Variants in DVL1 observed in about 807,000 individuals in gnomAD.
DVL1 encodes the protein segment polarity protein dishevelled homolog DVL-1.
In DVL1, 49 loss-of-function variants were observed where a neutral mutation model predicts 65.0. The ratio of observed to expected loss-of-function variants is 0.75; its 90% CI spans 0.60 to 0.96. The LOEUF (loss-of-function observed/expected upper bound fraction) is 0.96. DVL1 is among the 40% of genes least tolerant of loss of function. The pLI, the probability that DVL1 is intolerant of heterozygous loss-of-function variation, is 0.00. For missense variants in DVL1, 1,197 were observed against 1,045.4 expected, an observed-to-expected ratio of 1.15 and a Z score of -2.00; for synonymous variants, 608 against 433.9, an observed-to-expected ratio of 1.40 and a Z score of -4.99.
chr1:1,335,395 G>GGGGGCCAGA lies in DVL1; in HGVS notation c.*738_*746dup, dbSNP rs1643536710. On this transcript the variant is annotated 3_prime_UTR_variant, in exon 15 of 15. Transcript: ENST00000378888. ...TACAGTATCTACAGCACAGACACGT[G>GGGGGCCAGA]GGGGCCAGAGAAGCCAGGAAGGCCG... 6.6e-6 allele frequency: 1 copy of GGGGGCCAGA among 152,386 alleles called. No individual in the cohort carries two copies. The highest frequency in any genetic ancestry group is 6.5e-5 in the Admixed American group (1 of 15,292). The allele number at this position is 152,386 out of a possible 1,614,324, so 9.4% of individuals were successfully genotyped here.
chr1:1,344,754 G>A, intron 1 of DVL1, among the ~76,000 whole-genome samples: 1 of 152,184 alleles, frequency 6.6e-6, no homozygotes. Flanking sequence ...AGCAACCCAG[G>A]GTGAGGCGGG....
intron 11 of DVL1, 120 bp from the exon 12 acceptor site, chr1:1,338,773 G>A (rs947394294): frequency 4.8e-5 from 68 of 1,431,256 alleles, no homozygotes; most frequent in East Asian, 3.0e-4. Flanking sequence ...TGGACGGTGC[G>A]TGACAGCAGG....
chr1:1,345,107 C>T (rs1410889922), intron 1 of DVL1, among the ~76,000 whole-genome samples: 3 of 152,164 alleles, frequency 2.0e-5, no homozygotes, highest in Non-Finnish European at 2.9e-5. Context: ...GGCCCTGCCC[C>T]CTCCCACCAT....
chr1:1,346,710 GCT>G (rs1643918862), intron 1 of DVL1, among the ~76,000 whole-genome samples: 1 of 152,212 alleles, frequency 6.6e-6, no homozygotes, highest in South Asian at 2.1e-4. Flanking sequence ...TGGAGCAGAG[GCT>G]GGGGAACCAG....
In DVL1 at chr1:1,349,196, G is replaced by T. The variant is rs1358129777; in HGVS notation, c.-131C>A. On this transcript the variant is annotated 5_prime_UTR_variant, in exon 1 of 15. Transcript: ENST00000378888. The surrounding 1 kb of genome is among the most constrained non-coding windows in gnomAD (Gnocchi z 4.1). ...TCGGCCCCGACGCTCCGAGGCCCCC[G>T]GGCGCCCCCGCCCGACCGCCCAGGC... 34 of 480,688 alleles carry T rather than the reference G, an allele frequency of 7.1e-5. No homozygotes were observed. The East Asian group carries it at 5.0e-3, about 71-fold the overall frequency. The allele number at this position is 480,688 out of a possible 1,614,324, so 29.8% of individuals were successfully genotyped here.
chr1:1,346,237 G>A (rs1044606409), intron 1 of DVL1, among the ~76,000 whole-genome samples: 10 of 152,246 alleles, frequency 6.6e-5, no homozygotes, highest in Middle Eastern at 3.4e-3. Flanking sequence ...GAGGCCCATG[G>A]CAGGCGGCCC....
At chr1:1,347,738 C>G (rs1362568859) in intron 1 of DVL1, among the ~76,000 whole-genome samples, 3 of 152,220 alleles carry the variant, frequency 2.0e-5, no homozygotes, top group African/African-American at 7.2e-5. Flanking sequence ...ACTCAGAAAA[C>G]AAACCGCCCC....
In DVL1 at chr1:1,338,673, C is replaced by G. The variant is rs1407237781; in HGVS notation, c.1208-20G>C. On this transcript the variant is annotated intron_variant, in intron 11 of 14. Coordinates refer to ENST00000378888, the MANE Select transcript of DVL1 (RefSeq NM_001330311.2). Reference sequence around the variant, plus strand: ...CCAGCTCTGCAAAGCACAGACAGCCCCGCTTCAGCCCCAGCATCTGAAGGC... The same window carrying G: ...CCAGCTCTGCAAAGCACAGACAGCCGCGCTTCAGCCCCAGCATCTGAAGGC... 1.2e-6 allele frequency: 2 copies of G among 1,602,282 alleles called. No individual in the cohort carries two copies. The highest frequency in any genetic ancestry group is 2.2e-5 in the South Asian group (2 of 90,890).
chr1:1,348,982 G>C lies in DVL1; in HGVS notation c.84C>G (p.Val28=). ...LVKLPVAPER[V]TLADFKNVLS... ...GCACGTTCTTGAAGTCGGCCAGCGT[G>C]ACGCGCTCGGGGGCCACGGGCAGCT... Residue 28 remains valine, a synonymous_variant, in exon 1 of 15, where the codon GTC becomes GTG. Coordinates refer to ENST00000378888, the MANE Select transcript of DVL1 (RefSeq NM_001330311.2). The C allele has an allele frequency of 6.3e-7, 1 of 1,577,782 alleles. No individual in the cohort carries two copies. Among genetic ancestry groups the C allele is most frequent in the Non-Finnish European group, 8.6e-7 (1 of 1,159,568 alleles).
At chr1:1,343,300 G>A (rs1206465164) in intron 1 of DVL1, among the ~76,000 whole-genome samples, 1 of 143,976 alleles carries the variant, frequency 6.9e-6, no homozygotes. Context: ...ACTCCTCAGG[G>A]CCAGGCCCCA....
chr1:1,341,763 T>A lies in DVL1; in HGVS notation c.509A>T (p.Asp170Val). The change falls in exon 5 of 15, where the codon GAT becomes GTT. Residue 170 changes from aspartate (D) to valine (V), a missense_variant. Transcript: ENST00000378888. ...CGCGCTGTCTGGGGGCAGCCCCACA[T>A]CCCGCCGTCGGTCTCCCCTTGGGTG... is the stretch of plus-strand genomic sequence containing the variant. ...NGHPRGDRRR[D>V]VGLPPDSAST... 1 of 1,604,684 alleles carries A rather than the reference T, an allele frequency of 6.2e-7. No individual in the cohort carries two copies. Among genetic ancestry groups the A allele is most frequent in the Non-Finnish European group, 8.5e-7 (1 of 1,175,238 alleles).
Position 1,342,565 on chromosome 1 carries a change from A to G in DVL1, c.241-81T>C, listed in dbSNP as rs975278776. 3 of 1,575,316 alleles carry G rather than the reference A, an allele frequency of 1.9e-6. No homozygotes were observed. In the African/African-American group the frequency reaches 4.0e-5, roughly 21 times the overall value. On this transcript the variant is annotated intron_variant, in intron 2 of 14. Coordinates refer to ENST00000378888, the MANE Select transcript of DVL1 (RefSeq NM_001330311.2). ...CAGGGCACCCAGGGAACAGGGGGCCAGCAAGCTGCCCTATCCGCACCCAGC... is the reference window on the plus strand; with the variant it reads ...CAGGGCACCCAGGGAACAGGGGGCCGGCAAGCTGCCCTATCCGCACCCAGC...
chr1:1,347,500 A>G (rs958677506), intron 1 of DVL1, among the ~76,000 whole-genome samples: 1 of 152,242 alleles, frequency 6.6e-6, no homozygotes, highest in Non-Finnish European at 1.5e-5. Context: ...ATCCCAGAGC[A>G]TGGTCCAGGA....
At position 1,348,991 on chromosome 1, in the gene DVL1, G is replaced by C; in HGVS notation, c.75C>G (p.Pro25=). The change falls in exon 1 of 15, where the codon CCC becomes CCG. Residue 25 remains proline, a synonymous_variant. Coordinates refer to ENST00000378888, the MANE Select transcript of DVL1 (RefSeq NM_001330311.2). ...TPYLVKLPVA[P]ERVTLADFKN... is the part of the protein sequence containing the mutation. Reference sequence around the variant, plus strand: ...TGAAGTCGGCCAGCGTGACGCGCTCGGGGGCCACGGGCAGCTTGACCAGGT... The same window carrying C: ...TGAAGTCGGCCAGCGTGACGCGCTCCGGGGCCACGGGCAGCTTGACCAGGT... 2 of 1,577,128 alleles carry C rather than the reference G, an allele frequency of 1.3e-6. No homozygotes were observed. The highest frequency in any genetic ancestry group is 8.6e-7 in the Non-Finnish European group (1 of 1,159,364).
At chr1:1,341,074 C>T (rs1405453689) in intron 5 of DVL1, among the ~76,000 whole-genome samples, 17 of 148,162 alleles carry the variant, frequency 1.1e-4, no homozygotes, top group Non-Finnish European at 1.9e-4. Context: ...CCTGCACACA[C>T]GCACCCCTGC....
Position 1,336,278 on chromosome 1 carries a change from T to C in DVL1, c.1952A>G (p.Tyr651Cys), listed in dbSNP as rs887456356. 2 of 1,562,816 alleles carry C rather than the reference T, an allele frequency of 1.3e-6. No homozygotes were observed. Among genetic ancestry groups the C allele is most frequent in the South Asian group, 1.1e-5 (1 of 87,070 alleles). The change falls in exon 15 of 15, where the codon TAT (tyrosine) becomes TGT (cysteine). Residue 651 changes from tyrosine to cysteine, a missense_variant. Coordinates refer to ENST00000378888, the MANE Select transcript of DVL1 (RefSeq NM_001330311.2). ...LPPPHPTTKAYTVVGGPPGGP... is the reference protein window; with the variant it reads ...LPPPHPTTKACTVVGGPPGGP... ...CCCGGGTGGCCCCCCCACCACTGTA[T>C]AGGCCTTGGTCGTGGGGTGGGGCGG...
Position 1,341,767 on chromosome 1 carries a change from G to A in DVL1, c.505C>T (p.Arg169Trp), listed in dbSNP as rs777231256. Residue 169 changes from arginine to tryptophan, a missense_variant, in exon 5 of 15, where the codon CGG (arginine) becomes TGG (tryptophan). By Grantham distance (101) the Arg-to-Trp change is moderately radical (BLOSUM62 -3). Coordinates refer to ENST00000378888, the MANE Select transcript of DVL1 (RefSeq NM_001330311.2). ...CTGTCTGGGGGCAGCCCCACATCCC[G>A]CCGTCGGTCTCCCCTTGGGTGCCCA... ...TNGHPRGDRR[R>W]DVGLPPDSAS... 1.1e-5 allele frequency: 17 copies of A among 1,603,328 alleles called. No individual in the cohort carries two copies. Among genetic ancestry groups the A allele is most frequent in the Admixed American group, 3.4e-5 (2 of 59,098 alleles).
chr1:1,338,229 T>TTGGCG, intron 13 of DVL1, 40 bp downstream of exon 13: 15 of 1,522,298 alleles, frequency 9.9e-6, no homozygotes, highest in Non-Finnish European at 1.2e-5. Flanking sequence ...CCTCCGGCGT[T>TTGGCG]CCCCTCCCCC....
intron 5 of DVL1, among the ~76,000 whole-genome samples, 178 bp from the exon 6 acceptor site, chr1:1,340,681 G>C (rs1168659297): frequency 6.6e-6 from 1 of 152,084 alleles, no homozygotes; most frequent in African/African-American, 2.4e-5. Flanking sequence ...GAGCACACAC[G>C]AAAATCCCAG....
Sources: gnomAD v4.1 joint callset for allele counts (sites outside exome capture counted in the v4.1 genomes callset) on GRCh38, gnomAD v4.1.1 for gene constraint, Gnocchi (gnomAD v3.1) non-coding constraint, MANE v1.5 for transcripts, NCBI Gene and HGNC (gene_info 2026-07-23, HGNC 2026-07-21) for gene names.